The following WDR43 variants were observed in gnomAD, a reference collection of about 807,000 sequenced individuals.
The protein encoded by WDR43 is WD repeat-containing protein 43.
WDR43 carries 13 observed loss-of-function variants against 91.4 expected under a neutral mutation model. That is an observed-to-expected ratio of 0.14 (90% confidence interval 0.09 to 0.23). The LOEUF (loss-of-function observed/expected upper bound fraction) is 0.23, where lower values mean the gene tolerates loss of function less well. Among genes scored for constraint, WDR43 ranks in the 10% least tolerant of loss-of-function variants. WDR43 has a pLI of 1.00. For missense variants in WDR43, 780 were observed against 809.4 expected, an observed-to-expected ratio of 0.96 and a Z score of 0.44; for synonymous variants, 331 against 287.9, an observed-to-expected ratio of 1.15 and a Z score of -1.51.
chr2:28,929,642 C>T lies in WDR43; in HGVS notation c.1369C>T (p.Leu457Phe), dbSNP rs1166370287. ...IDTHKKGKEDLQTNSFPVLLT... is the reference protein window; with the variant it reads ...IDTHKKGKEDFQTNSFPVLLT... ...CACACACAAAAAAGGAAAGGAAGAC[C>T]TCCAGACGAATAGCTTTCCAGTTCT... The change falls in exon 11 of 18, where the codon CTC becomes TTC. Residue 457 changes from leucine to phenylalanine, a missense_variant. By Grantham distance (22) the Leu-to-Phe change is conservative (BLOSUM62 0). Transcript: ENST00000407426. 2 of 1,613,572 alleles carry T rather than the reference C, an allele frequency of 1.2e-6. No homozygotes were observed. Among genetic ancestry groups the T allele is most frequent in the East Asian group, 2.2e-5 (1 of 44,860 alleles).
intron 5 of WDR43, among the ~76,000 whole-genome samples, chr2:28,915,387 A>G (rs1670886043): frequency 1.3e-5 from 2 of 152,224 alleles, no homozygotes; most frequent in African/African-American, 2.4e-5. Context: ...ATTAAAATCT[A>G]CTACCAGGGT....
chr2:28,906,343 C>T, intron 2 of WDR43, 117 bp from the exon 3 acceptor site: 2 of 1,014,662 alleles, frequency 2.0e-6, no homozygotes, highest in South Asian at 1.7e-5. Flanking sequence ...ACGTGTGGGC[C>T]AGGAGCACTG....
At chr2:28,937,801 A>G (rs907835083) in intron 13 of WDR43, 130 bp from the exon 14 acceptor site, 10 of 812,550 alleles carry the variant, frequency 1.2e-5, no homozygotes, top group African/African-American at 1.7e-5. Context: ...ACACAGTGAT[A>G]TATTTATTAC....
At position 28,929,575 on chromosome 2, in the gene WDR43, G is replaced by A. The variant is rs750885762; in HGVS notation, c.1306-4G>A. The A allele has an allele frequency of 3.7e-6, 6 of 1,603,572 alleles. No individual in the cohort carries two copies. The South Asian group carries it at 6.7e-5, about 18-fold the overall frequency. On this transcript the variant is annotated splice_region_variant and splice_polypyrimidine_tract_variant and intron_variant, in intron 10 of 17. Coordinates refer to ENST00000407426, the MANE Select transcript of WDR43 (RefSeq NM_015131.3). ...ACACATTAACAATCCTTTCTGTTCT[G>A]TAGGTTAGCATTGAAGAACGTCTGG... is the stretch of plus-strand genomic sequence containing the variant.
intron 15 of WDR43, among the ~76,000 whole-genome samples, chr2:28,941,886 C>T (rs1307514812): frequency 2.0e-5 from 3 of 152,118 alleles, no homozygotes; most frequent in African/African-American, 4.8e-5. Flanking sequence ...TGACCCACCA[C>T]GCCTGGCTGA....
chr2:28,941,530 A>C lies in WDR43; in HGVS notation c.1690A>C (p.Lys564Gln). ...GGAAAGCAGAGTCAAAACTTTTCAGAAACTTTCACACCTTCATGGAAAGCT... is the reference window on the plus strand; with the variant it reads ...GGAAAGCAGAGTCAAAACTTTTCAGCAACTTTCACACCTTCATGGAAAGCT... ...LMESRVKTFQ[K>Q]LSHLHGKLIL... is the part of the protein sequence containing the mutation. The change falls in exon 15 of 18, where the codon AAA becomes CAA. Residue 564 changes from lysine (K) to glutamine (Q), a missense_variant. Transcript: ENST00000407426. 1 of 1,613,568 alleles carries C rather than the reference A, an allele frequency of 6.2e-7. No homozygotes were observed. Among genetic ancestry groups the C allele is most frequent in the Non-Finnish European group, 8.5e-7 (1 of 1,179,706 alleles).
intron 7 of WDR43, 129 bp downstream of exon 7, chr2:28,923,112 T>C: frequency 1.3e-6 from 1 of 769,524 alleles, no homozygotes; most frequent in Non-Finnish European, 2.0e-6. Context: ...CATTTTTCTT[T>C]ATCCACATGA....
intron 6 of WDR43, 72 bp downstream of exon 6, chr2:28,918,067 G>A: frequency 7.5e-7 from 1 of 1,329,312 alleles, no homozygotes; most frequent in Non-Finnish European, 1.0e-6. Context: ...AGGTTTTGAT[G>A]ATTTAATGAC....
At chr2:28,918,323 T>G (rs1214038201) in intron 6 of WDR43, among the ~76,000 whole-genome samples, 26 of 18,182 alleles carry the variant, frequency 1.4e-3, no homozygotes, top group South Asian at 5.4e-3. Flanking sequence ...CTAACTAAGG[T>G]GTGTGTGTGT....
chr2:28,941,378 ATACTGAGGC>A, intron 14 of WDR43, 74 bp from the exon 15 acceptor site: 1 of 1,054,286 alleles, frequency 9.5e-7, no homozygotes, highest in Non-Finnish European at 1.4e-6. Flanking sequence ...CAGTGGCTAA[ATACTGAGGC>A]ATAGCTGAGC....
At chr2:28,911,414 C>T (rs1382021411) in intron 3 of WDR43, among the ~76,000 whole-genome samples, 1 of 151,988 alleles carries the variant, frequency 6.6e-6, no homozygotes, top group Non-Finnish European at 1.5e-5. Flanking sequence ...CTGCCTCAGC[C>T]TCCTGAGTAG....
chr2:28,914,188 T>A lies in WDR43; in HGVS notation c.726T>A (p.His242Gln), dbSNP rs755778446. Residue 242 changes from histidine to glutamine, a missense_variant, in exon 5 of 18, where the codon CAT (histidine) becomes CAA (glutamine). This residue lies in a region of WDR43 where 174 missense variants were observed against 207.3 expected (regional missense o/e 0.84). Transcript: ENST00000407426. ...TTTATTTCTTATCTGGAGCAGTACA[T>A]GACCGGTTACTTAATGTCTGGTATG... Reference protein sequence around the residue: ...TGLYFLSGAVHDRLLNVWQVR... With the variant: ...TGLYFLSGAVQDRLLNVWQVR... 6.2e-7 allele frequency: 1 copy of A among 1,613,606 alleles called. No individual in the cohort carries two copies.
At chr2:28,902,258 T>A in intron 2 of WDR43, 134 bp downstream of exon 2, 2 of 857,508 alleles carry the variant, frequency 2.3e-6, no homozygotes, top group Non-Finnish European at 3.4e-6. Flanking sequence ...CATCTACGTT[T>A]AAATAACTGA....
intron 11 of WDR43, 70 bp from the exon 12 acceptor site, chr2:28,935,450 AC>A (rs1398221774): frequency 1.8e-6 from 2 of 1,090,094 alleles, no homozygotes; most frequent in Non-Finnish European, 1.3e-6. Flanking sequence ...ATTTTTACAG[AC>A]TTTTTTTTTT....
At chr2:28,917,788 A>G (rs1345887841) in intron 5 of WDR43, 105 bp from the exon 6 acceptor site, 4 of 945,864 alleles carry the variant, frequency 4.2e-6, no homozygotes, top group African/African-American at 1.7e-5. Context: ...TGACAAAGCT[A>G]TTGGGAATCT....
rs552438605 is a variant in WDR43 at position 28,935,773 on chromosome 2, A to G, written c.1524+166A>G. 68 of 406,502 alleles carry G rather than the reference A, an allele frequency of 1.7e-4. 2 individuals are homozygous for G. The East Asian group carries it at 2.5e-3, about 15-fold the overall frequency. The allele number at this position is 406,502 out of a possible 1,614,324, so 25.2% of individuals were successfully genotyped here. On this transcript the variant is annotated intron_variant, in intron 12 of 17. Coordinates refer to ENST00000407426, the MANE Select transcript of WDR43 (RefSeq NM_015131.3). ...AAAAAAAAAAAAAAAAAAAAAGTGA[A>G]ATTAATTCCTGGGGCAATGAAAGGA... is the stretch of plus-strand genomic sequence containing the variant.
chr2:28,942,898 G>T (rs1671476038), intron 16 of WDR43, among the ~76,000 whole-genome samples: 1 of 152,032 alleles, frequency 6.6e-6, no homozygotes, highest in Non-Finnish European at 1.5e-5. Flanking sequence ...ACCATGCCTG[G>T]CCAGGTATGG....
intron 10 of WDR43, among the ~76,000 whole-genome samples, chr2:28,929,087 C>A (rs148026146): frequency 1.1e-4 from 17 of 152,312 alleles, no homozygotes; most frequent in Admixed American, 3.9e-4. Context: ...GCTAATAAAT[C>A]ATCATTTGGA....
At chr2:28,941,952 AAG>A (rs1349996438) in intron 15 of WDR43, among the ~76,000 whole-genome samples, 1 of 152,208 alleles carries the variant, frequency 6.6e-6, no homozygotes, top group Non-Finnish European at 1.5e-5. Flanking sequence ...TTAACTTGGA[AAG>A]CTTATCAGTT....
Sources: gnomAD v4.1 joint callset for allele counts (sites outside exome capture counted in the v4.1 genomes callset) on GRCh38, gnomAD v4.1.1 for gene constraint, gnomAD v4.1.1 regional missense constraint, MANE v1.5 for transcripts, NCBI Gene and HGNC (gene_info 2026-07-23, HGNC 2026-07-21) for gene names.